Variants in SLC25A21 observed in about 807,000 individuals in gnomAD.
The protein encoded by SLC25A21 is mitochondrial 2-oxodicarboxylate carrier.
Under a neutral mutation model 43.8 loss-of-function variants are expected in SLC25A21, and 47 were observed. That is an observed-to-expected ratio of 1.07 (90% CI 0.85 to 1.37). The LOEUF (loss-of-function observed/expected upper bound fraction) is 1.37. Ranked by LOEUF, SLC25A21 falls within the 40% of genes most tolerant of loss-of-function variation. The pLI is 0.00. For missense variants in SLC25A21, 352 were observed against 350.2 expected (o/e 1.00, Z -0.04); for synonymous variants, 131 against 121.3 (o/e 1.08, Z -0.52).
chr14:37,119,735 A>G (rs1487530117), intron 1 of SLC25A21, among the ~76,000 whole-genome samples: 1 of 152,186 alleles, frequency 6.6e-6, no homozygotes, highest in African/African-American at 2.4e-5. Context: ...TGTGAGGTCC[A>G]AGAACCGTCT....
intron 1 of SLC25A21, among the ~76,000 whole-genome samples, chr14:36,905,298 G>A (rs1441520339): frequency 6.6e-6 from 1 of 152,158 alleles, no homozygotes; most frequent in African/African-American, 2.4e-5. Context: ...CCTAATTGCA[G>A]GGGCCATTTG....
At chr14:36,885,262 C>G (rs1890881431) in intron 1 of SLC25A21, among the ~76,000 whole-genome samples, 1 of 152,116 alleles carries the variant, frequency 6.6e-6, no homozygotes, top group African/African-American at 2.4e-5. Context: ...TGTGGAAAAT[C>G]AATTGACCAT....
chr14:36,760,331 A>AGAAGGAAGGAAGGAAGGAAGGAAGGAAG (rs57996006), intron 3 of SLC25A21, among the ~76,000 whole-genome samples: 2 of 136,654 alleles, frequency 1.5e-5, no homozygotes, highest in East Asian at 2.1e-4. Context: ...GCAGCTAGGC[A>AGAAGGAAGGAAGGAAGGAAGGAAGGAAG]GAAGGAAGGA....
At chr14:36,822,893 T>A (rs112058156) in intron 2 of SLC25A21, among the ~76,000 whole-genome samples, 2,658 of 152,320 alleles carry the variant, frequency 0.017, 48 homozygotes, top group Middle Eastern at 0.02. Context: ...CTATAAATAG[T>A]TCATCATTTT....
At chr14:36,948,013 A>G (rs897990006) in intron 1 of SLC25A21, among the ~76,000 whole-genome samples, 1 of 152,202 alleles carries the variant, frequency 6.6e-6, no homozygotes, top group African/African-American at 2.4e-5. Flanking sequence ...ATTCCAAAGT[A>G]TGAATATTTT....
intron 2 of SLC25A21, among the ~76,000 whole-genome samples, chr14:36,846,721 A>T (rs1198158179): frequency 6.6e-6 from 1 of 152,168 alleles, no homozygotes; most frequent in African/African-American, 2.4e-5. Flanking sequence ...CTGTCCATCC[A>T]TCCATTCAAC....
chr14:36,785,021 GATTA>G (rs1887197406), intron 3 of SLC25A21, among the ~76,000 whole-genome samples: 3 of 152,206 alleles, frequency 2.0e-5, no homozygotes, highest in Admixed American at 2.0e-4. Flanking sequence ...TGTAAGGATA[GATTA>G]ATTAGTTGTT....
intron 2 of SLC25A21, among the ~76,000 whole-genome samples, chr14:36,849,786 A>T (rs1415000396): frequency 6.6e-6 from 1 of 152,210 alleles, no homozygotes; most frequent in Non-Finnish European, 1.5e-5. Flanking sequence ...AACTGTAATG[A>T]ATTCATTAGA....
chr14:37,042,173 GCAAA>G (rs1457455199), intron 1 of SLC25A21, among the ~76,000 whole-genome samples: 9 of 152,170 alleles, frequency 5.9e-5, no homozygotes, highest in Admixed American at 3.9e-4. Flanking sequence ...AAGCTGGCGA[GCAAA>G]CAGAGGGCAG....
At chr14:36,912,597 T>G (rs990618540) in intron 1 of SLC25A21, among the ~76,000 whole-genome samples, 4 of 152,206 alleles carry the variant, frequency 2.6e-5, no homozygotes, top group Non-Finnish European at 5.9e-5. Context: ...ACTGATAGAG[T>G]ACAATTTTAG....
In SLC25A21 at chr14:36,876,164, T is replaced by G. The variant is rs113368577; in HGVS notation, c.71-1160A>C. Among the ~76,000 whole-genome samples, 554 of 152,286 alleles carry G rather than the reference T, an allele frequency of 3.6e-3. 2 individuals are homozygous for G. The highest frequency in any genetic ancestry group is 0.012 in the African/African-American group (508 of 41,562). ...CATTTATAAACTAACTCAACTTGAA[T>G]TTAGCCATGATGTAGTTTATCTTCC... On this transcript the variant is annotated intron_variant, in intron 1 of 9. Coordinates refer to ENST00000331299, the MANE Select transcript of SLC25A21 (RefSeq NM_030631.4).
chr14:36,900,360 T>C, intron 1 of SLC25A21, among the ~76,000 whole-genome samples: 1 of 152,096 alleles, frequency 6.6e-6, no homozygotes, highest in East Asian at 1.9e-4. Flanking sequence ...TGTACTCCTG[T>C]ATGGAGGACT....
At chr14:36,979,959 G>A (rs1193493035) in intron 1 of SLC25A21, among the ~76,000 whole-genome samples, 1 of 152,070 alleles carries the variant, frequency 6.6e-6, no homozygotes, top group Non-Finnish European at 1.5e-5. Context: ...GAAGGGCAGG[G>A]ACAGGATCCT....
intron 1 of SLC25A21, among the ~76,000 whole-genome samples, chr14:36,883,883 A>C (rs1322085462): frequency 6.6e-6 from 1 of 152,132 alleles, no homozygotes; most frequent in Non-Finnish European, 1.5e-5. Context: ...GTACAATGTG[A>C]TGTTTCATAC....
intron 2 of SLC25A21, among the ~76,000 whole-genome samples, chr14:36,852,950 A>G (rs1157676951): frequency 3.3e-5 from 5 of 152,224 alleles, no homozygotes; most frequent in African/African-American, 1.2e-4. Flanking sequence ...GCACCGAAAC[A>G]GGAACATTTA....
At chr14:36,888,464 T>C (rs1277827142) in intron 1 of SLC25A21, among the ~76,000 whole-genome samples, 1 of 152,082 alleles carries the variant, frequency 6.6e-6, no homozygotes, top group Non-Finnish European at 1.5e-5. Flanking sequence ...GTTGACCACA[T>C]AGAAATTAAG....
intron 6 of SLC25A21, among the ~76,000 whole-genome samples, chr14:36,724,805 A>T (rs1260162249): frequency 2.0e-5 from 3 of 152,130 alleles, no homozygotes; most frequent in Non-Finnish European, 4.4e-5. Context: ...ATCTTCCAGG[A>T]TGGGTGGTGG....
intron 2 of SLC25A21, among the ~76,000 whole-genome samples, chr14:36,820,614 A>G (rs559348006): frequency 6.6e-6 from 1 of 152,328 alleles, no homozygotes; most frequent in Non-Finnish European, 1.5e-5. Flanking sequence ...CTTTTTCCTC[A>G]GCAATAAAAT....
chr14:37,056,292 C>A (rs1403979515), intron 1 of SLC25A21, among the ~76,000 whole-genome samples: 1 of 152,176 alleles, frequency 6.6e-6, no homozygotes, highest in South Asian at 2.1e-4. Context: ...AGATCAAGAC[C>A]ATCCTGGCTA....
Sources: allele counts gnomAD v4.1 joint callset (sites outside exome capture counted in the v4.1 genomes callset), GRCh38; gene constraint gnomAD v4.1.1; transcripts MANE v1.5; gene names NCBI Gene and HGNC (gene_info 2026-07-23, HGNC 2026-07-21).